DGKH: variants seen among roughly 807,000 people sequenced by gnomAD.
The protein encoded by DGKH is diacylglycerol kinase eta.
DGKH carries 90 observed loss-of-function variants against 159.3 expected under a neutral mutation model. The observed-to-expected ratio is 0.57, with a 90% CI of 0.48 to 0.67. The LOEUF (loss-of-function observed/expected upper bound fraction) is 0.67, where lower values mean the gene tolerates loss of function less well. Among genes scored for constraint, DGKH ranks in the 30% least tolerant of loss-of-function variants. DGKH has a pLI of 0.00. For missense variants in DGKH, 1,181 were observed against 1,506.1 expected (o/e 0.78, Z 3.57); for synonymous variants, 536 against 553.8 (o/e 0.97, Z 0.45).
intron 1 of DGKH, among the ~76,000 whole-genome samples, chr13:42,125,251 T>G (rs564904296): frequency 6.6e-6 from 1 of 152,216 alleles, no homozygotes; most frequent in South Asian, 2.1e-4. Flanking sequence ...CAAACACTTA[T>G]TTACTTCTTA....
chr13:42,040,830 G>GGCGGGGACCCGGGTCT (rs1593936121), intron 1 of DGKH, among the ~76,000 whole-genome samples: 2 of 146,736 alleles, frequency 1.4e-5, no homozygotes, highest in Non-Finnish European at 3.0e-5. Flanking sequence ...CAGCGGCGGC[G>GGCGGGGACCCGGGTCT]GCGGGGACCC....
At chr13:42,146,771 G>C (rs994945045) in intron 3 of DGKH, among the ~76,000 whole-genome samples, 5 of 152,226 alleles carry the variant, frequency 3.3e-5, no homozygotes, top group African/African-American at 4.8e-5. Context: ...AATATCCCTG[G>C]AGAGAAATAC....
intron 3 of DGKH, among the ~76,000 whole-genome samples, chr13:42,134,467 A>G (rs1373923475): frequency 1.3e-5 from 2 of 152,232 alleles, no homozygotes; most frequent in Non-Finnish European, 2.9e-5. Flanking sequence ...TTGCTGTATA[A>G]CAACCAACCA....
At chr13:42,070,134 A>G in intron 1 of DGKH, 1 of 928,462 alleles carries the variant, frequency 1.1e-6, no homozygotes, top group Admixed American at 1.7e-5. Context: ...TTGGAAAAGA[A>G]CATATGCTCA....
chr13:42,043,085 TG>T (rs1186885783), intron 1 of DGKH, among the ~76,000 whole-genome samples: 1 of 152,214 alleles, frequency 6.6e-6, no homozygotes, highest in African/African-American at 2.4e-5. Flanking sequence ...TGACCTTTTT[TG>T]GGGTCAGCAA....
intron 21 of DGKH, among the ~76,000 whole-genome samples, chr13:42,207,127 TTCCTTCC>T (rs1566192551): frequency 0.1 from 6,048 of 58,018 alleles, 789 homozygotes; most frequent in African/African-American, 0.13. Context: ...TTCTCTCTCC[TTCCTTCC>T]TTCCTTCCTT....
intron 25 of DGKH, 24 bp downstream of exon 25, chr13:42,214,636 C>A: frequency 6.2e-7 from 1 of 1,604,650 alleles, no homozygotes; most frequent in South Asian, 1.1e-5. Context: ...GGTAAATTCT[C>A]ATTCCACAGA....
At chr13:42,080,236 T>G (rs1255145443) in intron 1 of DGKH, among the ~76,000 whole-genome samples, 8 of 152,214 alleles carry the variant, frequency 5.3e-5, no homozygotes, top group Non-Finnish European at 1.0e-4. Context: ...ACAGAATAGT[T>G]AATGTTTGTT....
chr13:42,061,888 C>CGT (rs1882196880), intron 1 of DGKH, among the ~76,000 whole-genome samples: 1 of 151,946 alleles, frequency 6.6e-6, no homozygotes, highest in Non-Finnish European at 1.5e-5. Context: ...AGTTAATTAA[C>CGT]GTATACACAG....
chr13:42,099,289 A>G (rs949193723), intron 1 of DGKH, among the ~76,000 whole-genome samples: 2 of 152,138 alleles, frequency 1.3e-5, no homozygotes, highest in Non-Finnish European at 2.9e-5. Flanking sequence ...CATTCAATCT[A>G]GTGCCTCAAC....
At chr13:42,188,746 G>T (rs1416229876) in intron 14 of DGKH, among the ~76,000 whole-genome samples, 2 of 152,012 alleles carry the variant, frequency 1.3e-5, no homozygotes, top group Non-Finnish European at 2.9e-5. Flanking sequence ...TAATAATTGT[G>T]CCAACTTAAA....
intron 1 of DGKH, among the ~76,000 whole-genome samples, chr13:42,100,832 G>T (rs1200828828): frequency 6.6e-6 from 1 of 152,124 alleles, no homozygotes; most frequent in Non-Finnish European, 1.5e-5. Flanking sequence ...ACCATTGCTA[G>T]AGTTAATTTT....
chr13:42,068,851 T>TA, intron 1 of DGKH: 3 of 673,542 alleles, frequency 4.5e-6, no homozygotes, highest in Non-Finnish European at 6.8e-6. Flanking sequence ...CTGATTCAAG[T>TA]AAAAAATGAC....
At chr13:42,206,311 G>A (rs532169177) in intron 21 of DGKH, among the ~76,000 whole-genome samples, 165 bp downstream of exon 21, 45 of 152,284 alleles carry the variant, frequency 3.0e-4, no homozygotes, top group Admixed American at 2.7e-3. Context: ...TATTGTAACA[G>A]TCTCTTGTGG....
chr13:42,249,287 C>T (rs1317795189), intron 29 of DGKH, among the ~76,000 whole-genome samples: 3 of 152,088 alleles, frequency 2.0e-5, no homozygotes, highest in Non-Finnish European at 4.4e-5. Flanking sequence ...GGTGGGAGGA[C>T]CGATTGAGCC....
intron 3 of DGKH, among the ~76,000 whole-genome samples, chr13:42,146,605 G>C (rs577703059): frequency 1.9e-4 from 29 of 152,348 alleles, no homozygotes; most frequent in African/African-American, 7.0e-4. Flanking sequence ...AGTTCTGTCT[G>C]TAACAATACA....
At chr13:42,193,302 G>A (rs966873005) in intron 16 of DGKH, among the ~76,000 whole-genome samples, 1 of 152,214 alleles carries the variant, frequency 6.6e-6, no homozygotes, top group African/African-American at 2.4e-5. Flanking sequence ...TGACACTTCC[G>A]TTGTGGCCTA....
At chr13:42,047,969 G>C (rs554780604), upstream of DGKH, among the ~76,000 whole-genome samples, 1 of 151,954 alleles carries the variant, frequency 6.6e-6, no homozygotes, top group East Asian at 1.9e-4. Flanking sequence ...AAAGTTCTCA[G>C]AGCGGAGCTG....
rs939489048 is a variant in DGKH at position 42,207,440 on chromosome 13, C to G, written c.2601+1294C>G. 2.0e-5 allele frequency among the ~76,000 whole-genome samples: 3 copies of G among 151,668 alleles called. No individual in the cohort carries two copies. The East Asian group carries it at 5.8e-4, about 29-fold the overall frequency. ...TTCTGACCTCAGGTGATCCACCCAC[C>G]TCGGCCTCCCAAAGTCCTAGGATTA... On this transcript the variant is annotated intron_variant, in intron 21 of 29. Transcript: ENST00000337343.
Sources: gnomAD v4.1 joint callset for allele counts (sites outside exome capture counted in the v4.1 genomes callset) on GRCh38, gnomAD v4.1.1 for gene constraint, MANE v1.5 for transcripts, NCBI Gene and HGNC (gene_info 2026-07-23, HGNC 2026-07-21) for gene names.